The following MAD1L1 variants were observed in gnomAD, a reference collection of about 807,000 sequenced individuals.
MAD1L1 encodes the protein mitotic spindle assembly checkpoint protein MAD1.
In MAD1L1, 95 loss-of-function variants were observed where a neutral mutation model predicts 96.9. The ratio of observed to expected loss-of-function variants is 0.98; its 90% confidence interval spans 0.83 to 1.16. The LOEUF (loss-of-function observed/expected upper bound fraction) is 1.16, where lower values mean the gene tolerates loss of function less well. MAD1L1 is among the 50% of genes most tolerant of loss of function. The pLI is 0.00. For missense variants in MAD1L1, 1,007 were observed against 954.4 expected (o/e 1.06, Z -0.73); for synonymous variants, 473 against 396.6 (o/e 1.19, Z -2.29).
chr7:2,210,619 G>A (rs115903598), intron 10 of MAD1L1, among the ~76,000 whole-genome samples: 305 of 152,060 alleles, frequency 2.0e-3, no homozygotes, highest in African/African-American at 7.0e-3. Flanking sequence ...CTGACGTCCA[G>A]CGTGAGTCAC....
intron 14 of MAD1L1, among the ~76,000 whole-genome samples, chr7:1,987,067 C>G (rs2128487161): frequency 6.6e-6 from 1 of 152,278 alleles, no homozygotes; most frequent in Admixed American, 6.5e-5. Flanking sequence ...CCACCTACAC[C>G]CCCCGCTCCC....
intron 13 of MAD1L1, among the ~76,000 whole-genome samples, chr7:2,006,731 T>C (rs1000183938): frequency 1.4e-4 from 22 of 151,770 alleles, no homozygotes; most frequent in South Asian, 2.1e-4. Flanking sequence ...AGGCAGGACA[T>C]TGGGGTCCCG....
chr7:1,947,276 C>T (rs540127891), intron 16 of MAD1L1, among the ~76,000 whole-genome samples: 28 of 152,316 alleles, frequency 1.8e-4, no homozygotes, highest in African/African-American at 6.0e-4. Context: ...TCCAGCAAGG[C>T]CCAGGCAATA....
At chr7:2,097,130 C>G (rs1252499015) in intron 11 of MAD1L1, among the ~76,000 whole-genome samples, 1 of 152,130 alleles carries the variant, frequency 6.6e-6, no homozygotes, top group Non-Finnish European at 1.5e-5. Flanking sequence ...CACCACACCC[C>G]ATGGCACCCA....
At chr7:2,148,533 A>G (rs1220904539) in intron 11 of MAD1L1, 1 of 152,504 alleles carries the variant, frequency 6.6e-6, no homozygotes, top group Admixed American at 6.5e-5. Context: ...TTTCTTGTAC[A>G]GAAAAGATCC....
chr7:1,944,783 G>T (rs1461592367), intron 16 of MAD1L1, among the ~76,000 whole-genome samples: 2 of 152,208 alleles, frequency 1.3e-5, no homozygotes, highest in South Asian at 4.1e-4. Flanking sequence ...AGTGACCACA[G>T]TCTGCAGGAC....
intron 11 of MAD1L1, chr7:2,107,611 C>T (rs1313249373): frequency 6.6e-6 from 1 of 152,440 alleles, no homozygotes; most frequent in African/African-American, 2.4e-5. Flanking sequence ...CGCTTGGTCA[C>T]CCCTGCCCAG....
intron 12 of MAD1L1, among the ~76,000 whole-genome samples, chr7:2,025,153 G>A (rs897251794): frequency 1.3e-5 from 2 of 152,186 alleles, no homozygotes; most frequent in African/African-American, 4.8e-5. Context: ...AGAGCTCTAT[G>A]CTGTCTTCTT....
chr7:2,034,139 C>A (rs1783357519), intron 12 of MAD1L1, among the ~76,000 whole-genome samples: 1 of 151,882 alleles, frequency 6.6e-6, no homozygotes, highest in Admixed American at 6.6e-5. Context: ...ATGGGGAAAG[C>A]ACTGAGTCCA....
chr7:1,863,674 C>T (rs1322277391), intron 18 of MAD1L1, among the ~76,000 whole-genome samples: 1 of 152,226 alleles, frequency 6.6e-6, no homozygotes, highest in African/African-American at 2.4e-5. Flanking sequence ...TGCCCTGCCC[C>T]ATCTTGCCCC....
At chr7:1,982,004 C>T (rs985699417) in intron 14 of MAD1L1, among the ~76,000 whole-genome samples, 12 of 152,106 alleles carry the variant, frequency 7.9e-5, no homozygotes, top group African/African-American at 2.4e-4. Context: ...CCAACCCCAG[C>T]GCCCCAGGCC....
chr7:1,921,654 A>C (rs1273982945), intron 17 of MAD1L1, among the ~76,000 whole-genome samples: 1 of 152,240 alleles, frequency 6.6e-6, no homozygotes, highest in Non-Finnish European at 1.5e-5. Context: ...TTAGAATAAT[A>C]AACAGGTAAG....
In MAD1L1 at chr7:2,103,017, C is replaced by T. The variant is rs769711520; in HGVS notation, c.1074-33679G>A. The stretch of plus-strand genomic sequence containing the variant: ...CATCAGCTCCACAACTCAGAGGAGG[C>T]AGCCTCCGTGATGCTGCCAACACCT... On this transcript the variant is annotated intron_variant, in intron 11 of 18. Transcript: ENST00000265854. The surrounding 1 kb of genome is among the most constrained non-coding windows in gnomAD (Gnocchi z 4.3). Among the ~76,000 whole-genome samples the T allele has an allele frequency of 4.6e-5, 7 of 152,222 alleles. No homozygotes were observed. Among genetic ancestry groups the T allele is most frequent in the Non-Finnish European group, 8.8e-5 (6 of 68,048 alleles).
chr7:1,923,476 C>A (rs1403044430), intron 17 of MAD1L1, among the ~76,000 whole-genome samples: 2 of 133,438 alleles, frequency 1.5e-5, no homozygotes, highest in African/African-American at 5.6e-5. Flanking sequence ...CGCGCTCTTC[C>A]GCCCCGGCAG....
At position 1,846,935 on chromosome 7, in the gene MAD1L1, G is replaced by A. The variant is rs560411940; in HGVS notation, c.1999-30707C>T. 4.0e-4 allele frequency: 128 copies of A among 317,630 alleles called. 1 individual carries two copies. The highest frequency in any genetic ancestry group is 2.5e-3 in the African/African-American group (115 of 45,444). 19.7% of individuals were successfully genotyped at this position (317,630 alleles called of 1,614,324 possible). A position where few individuals can be genotyped will look rare whatever the true frequency, so the allele number is the denominator to read the frequency against. ...GCTCGTGGGGCTTGAATGGTATCAC[G>A]GGAGGTTCTTCATCTTGCGGTGGGA... is the stretch of plus-strand genomic sequence containing the variant. On this transcript the variant is annotated intron_variant, in intron 18 of 18. Transcript: ENST00000265854.
intron 12 of MAD1L1, among the ~76,000 whole-genome samples, chr7:2,040,488 C>T (rs796408207): frequency 2.0e-5 from 3 of 152,310 alleles, no homozygotes; most frequent in African/African-American, 7.2e-5. Flanking sequence ...TGGGCAGTTC[C>T]TATCGGTCCA....
chr7:2,044,526 G>A (rs1783833813), intron 12 of MAD1L1, among the ~76,000 whole-genome samples: 1 of 152,170 alleles, frequency 6.6e-6, no homozygotes, highest in Admixed American at 6.5e-5. Context: ...CGCAGCATGT[G>A]TGAGATGATA....
chr7:1,905,708 C>T lies in MAD1L1; in HGVS notation c.1808-7318G>A, dbSNP rs531156032. Among the ~76,000 whole-genome samples, 13 of 152,350 alleles carry T rather than the reference C, an allele frequency of 8.5e-5. No individual in the cohort carries two copies. The South Asian group carries it at 2.5e-3, about 29-fold the overall frequency. On this transcript the variant is annotated intron_variant, in intron 17 of 18. Coordinates refer to ENST00000265854, the MANE Select transcript of MAD1L1 (RefSeq NM_001013836.2). ...TGTGACCTCCCTCTGGGACCTCTCC[C>T]GTGAGTGAGGCCGGCCTGACCCCCA...
chr7:2,153,422 G>T (rs924881411), intron 10 of MAD1L1, among the ~76,000 whole-genome samples: 1 of 152,176 alleles, frequency 6.6e-6, no homozygotes, highest in Non-Finnish European at 1.5e-5. Flanking sequence ...CATGCAAATG[G>T]CCAACAGGTA....
Sources: gnomAD v4.1 joint callset for allele counts (sites outside exome capture counted in the v4.1 genomes callset) on GRCh38, gnomAD v4.1.1 for gene constraint, Gnocchi (gnomAD v3.1) non-coding constraint, MANE v1.5 for transcripts, NCBI Gene and HGNC (gene_info 2026-07-23, HGNC 2026-07-21) for gene names.